The following PHKB variants were observed in gnomAD, a reference collection of about 807,000 sequenced individuals.
The protein encoded by PHKB is phosphorylase kinase regulatory subunit beta, also known as phosphorylase b kinase regulatory subunit beta.
Under a neutral mutation model 152.1 loss-of-function variants are expected in PHKB, and 122 were observed. The observed-to-expected ratio is 0.80, with a 90% confidence interval of 0.69 to 0.93. PHKB has a LOEUF of 0.93. Among genes scored for constraint, PHKB ranks in the 40% least tolerant of loss-of-function variants. The pLI is 0.00. For missense variants in PHKB, 1,304 were observed against 1,328.4 expected, an observed-to-expected ratio of 0.98 and a Z score of 0.29; for synonymous variants, 436 against 464.9, an observed-to-expected ratio of 0.94 and a Z score of 0.80.
intron 20 of PHKB, among the ~76,000 whole-genome samples, chr16:47,656,480 G>A (rs1464913987): frequency 6.6e-6 from 1 of 152,106 alleles, no homozygotes; most frequent in African/African-American, 2.4e-5. Context: ...CAATATTTTT[G>A]AAGATCTTCT....
intron 7 of PHKB, among the ~76,000 whole-genome samples, chr16:47,563,141 T>C (rs942903468): frequency 6.6e-6 from 1 of 151,792 alleles, no homozygotes. Flanking sequence ...CTCACGCTTA[T>C]CCATGACATT....
At chr16:47,510,887 A>G (rs1970499047) in intron 4 of PHKB, among the ~76,000 whole-genome samples, 1 of 152,164 alleles carries the variant, frequency 6.6e-6, no homozygotes, top group African/African-American at 2.4e-5. Flanking sequence ...TATATCTTTG[A>G]ATTCATTTTT....
chr16:47,676,152 C>A lies in PHKB; in HGVS notation c.2630+6735C>A, dbSNP rs563412981. 3.9e-5 allele frequency: 6 copies of A among 152,186 alleles called. No individual in the cohort carries two copies. The South Asian group carries it at 1.2e-3, about 32-fold the overall frequency. The allele number at this position is 152,186 out of a possible 1,614,324, so 9.4% of individuals were successfully genotyped here. Reference sequence around the variant, plus strand: ...TTTTAGTTTGCTTAAAATTGGTGAGCAAATTATTCATTTATAAAGTCTTTG... The same window carrying A: ...TTTTAGTTTGCTTAAAATTGGTGAGAAAATTATTCATTTATAAAGTCTTTG... On this transcript the variant is annotated intron_variant, in intron 26 of 30. Transcript: ENST00000323584.
At position 47,497,463 on chromosome 16, in the gene PHKB, T is replaced by G. The variant is rs1239330903; in HGVS notation, c.141T>G (p.Asp47Glu). 1.9e-6 allele frequency: 3 copies of G among 1,608,212 alleles called. No homozygotes were observed. The highest frequency in any genetic ancestry group is 4.5e-5 in the East Asian group (2 of 44,790). Reference sequence around the variant, plus strand: ...GACCTGATAATGAAACTCTCTGGGATAAGTTGGACCATTATTACAGAATTG... The same window carrying G: ...GACCTGATAATGAAACTCTCTGGGAGAAGTTGGACCATTATTACAGAATTG... ...LPRPDNETLW[D>E]KLDHYYRIVK... The change falls in exon 2 of 31, where the codon GAT (aspartate) becomes GAG (glutamate). Residue 47 changes from aspartate to glutamate, a missense_variant. Coordinates refer to ENST00000323584, the MANE Select transcript of PHKB (RefSeq NM_000293.3).
At chr16:47,499,964 T>A in intron 3 of PHKB, 70 bp downstream of exon 3, 1 of 1,566,040 alleles carries the variant, frequency 6.4e-7, no homozygotes, top group South Asian at 1.1e-5. Context: ...CAAGACTAAT[T>A]GAGCCGCTAT....
intron 7 of PHKB, among the ~76,000 whole-genome samples, chr16:47,555,576 A>G (rs1391572199): frequency 6.6e-6 from 1 of 152,236 alleles, no homozygotes; most frequent in Non-Finnish European, 1.5e-5. Context: ...TCAATGTTCT[A>G]TTGATATTAG....
chr16:47,557,295 G>T (rs2151679000), intron 7 of PHKB, among the ~76,000 whole-genome samples: 1 of 152,252 alleles, frequency 6.6e-6, no homozygotes, highest in South Asian at 2.1e-4. Flanking sequence ...AGAAAACCTA[G>T]GCATTACCAT....
chr16:47,486,015 T>C (rs948505737), intron 1 of PHKB, among the ~76,000 whole-genome samples: 2 of 152,178 alleles, frequency 1.3e-5, no homozygotes, highest in African/African-American at 4.8e-5. Flanking sequence ...ACATATTTTG[T>C]CAGCTTCTGT....
rs1295497860 is a variant in PHKB at position 47,669,215 on chromosome 16, G to T, written c.2428G>T (p.Val810Leu). 1 of 1,612,358 alleles carries T rather than the reference G, an allele frequency of 6.2e-7. No individual in the cohort carries two copies. The change falls in exon 26 of 31, where the codon GTA (valine) becomes TTA (leucine). Residue 810 changes from valine to leucine, a missense_variant and splice_region_variant. By Grantham distance (32) the Val-to-Leu change is conservative. Coordinates refer to ENST00000323584, the MANE Select transcript of PHKB (RefSeq NM_000293.3). Reference protein sequence around the residue: ...ITTFLVHGKQVTLGAFGHEEE... With the variant: ...ITTFLVHGKQLTLGAFGHEEE... ...TACAATAAAATTCTGCCACTTGTAGGTAACTCTGGGTGCCTTTGGGCATGA... is the reference window on the plus strand; with the variant it reads ...TACAATAAAATTCTGCCACTTGTAGTTAACTCTGGGTGCCTTTGGGCATGA...
chr16:47,540,179 G>T (rs1197608031), intron 6 of PHKB, among the ~76,000 whole-genome samples: 1 of 152,152 alleles, frequency 6.6e-6, no homozygotes, highest in Admixed American at 6.5e-5. Context: ...TTATGTGGTT[G>T]AGATAAGGAC....
At position 47,576,289 on chromosome 16, in the gene PHKB, T is replaced by C. The variant is rs539570745; in HGVS notation, c.711-4006T>C. On this transcript the variant is annotated intron_variant, in intron 7 of 30. Transcript: ENST00000323584. Reference sequence around the variant, plus strand: ...GATGTTGAATTTTGTTTGATGCATTTTCTGCATCAATTGATATGACCATGT... The same window carrying C: ...GATGTTGAATTTTGTTTGATGCATTCTCTGCATCAATTGATATGACCATGT... Among the ~76,000 whole-genome samples the C allele has an allele frequency of 3.7e-4, 57 of 152,330 alleles. No homozygotes were observed. The South Asian group carries it at 0.012, about 31-fold the overall frequency.
At position 47,589,101 on chromosome 16, in the gene PHKB, A is replaced by C. The variant is rs1971985107; in HGVS notation, c.1067A>C (p.Lys356Thr). The change falls in exon 10 of 31, where the codon AAG becomes ACG. Residue 356 changes from lysine to threonine, a missense_variant and splice_region_variant. Physicochemically the swap from Lys to Thr is moderately conservative, Grantham distance 78. Coordinates refer to ENST00000323584, the MANE Select transcript of PHKB (RefSeq NM_000293.3). ...TGCTACTACAAGCCAGCTGAAATTA[A>C]GGTATTAAAAAATATTCCATGGTAA... is the stretch of plus-strand genomic sequence containing the variant. ...NRCYYKPAEI[K>T]LFDGIECEFP... is the part of the protein sequence containing the mutation. The C allele has an allele frequency of 6.2e-7, 1 of 1,605,788 alleles. No individual in the cohort carries two copies. Among genetic ancestry groups the C allele is most frequent in the Non-Finnish European group, 8.5e-7 (1 of 1,172,726 alleles).
At chr16:47,490,159 C>G (rs1381144539) in intron 1 of PHKB, among the ~76,000 whole-genome samples, 1 of 152,116 alleles carries the variant, frequency 6.6e-6, no homozygotes, top group Non-Finnish European at 1.5e-5. Context: ...CATTTCAGCT[C>G]TTCATGAGTC....
chr16:47,660,949 A>G, intron 22 of PHKB, 130 bp downstream of exon 22: 2 of 870,258 alleles, frequency 2.3e-6, no homozygotes, highest in East Asian at 2.6e-5. Context: ...TGACTTGTCT[A>G]CTCCCAGGGC....
At chr16:47,506,869 G>C (rs562576520) in intron 4 of PHKB, among the ~76,000 whole-genome samples, 1 of 152,194 alleles carries the variant, frequency 6.6e-6, no homozygotes, top group East Asian at 1.9e-4. Context: ...GAAAGTTTAC[G>C]AATCTGTGCT....
chr16:47,672,246 C>A (rs181697433), intron 26 of PHKB, among the ~76,000 whole-genome samples: 19 of 152,238 alleles, frequency 1.2e-4, no homozygotes, highest in African/African-American at 4.6e-4. Context: ...AAAATAGTTT[C>A]TTTCAAAGAT....
chr16:47,479,995 A>G (rs1263570789), intron 1 of PHKB, among the ~76,000 whole-genome samples: 1 of 152,142 alleles, frequency 6.6e-6, no homozygotes, highest in East Asian at 1.9e-4. Context: ...ATTGCTGTAC[A>G]TTGCTATAAA....
chr16:47,477,622 A>AC (rs1969890965), intron 1 of PHKB, among the ~76,000 whole-genome samples: 1 of 152,136 alleles, frequency 6.6e-6, no homozygotes, highest in Non-Finnish European at 1.5e-5. Context: ...CAAAATACTG[A>AC]CCTAGGTTTA....
chr16:47,530,963 A>G (rs1389032714), intron 6 of PHKB, among the ~76,000 whole-genome samples: 2 of 152,214 alleles, frequency 1.3e-5, no homozygotes, highest in East Asian at 1.9e-4. Flanking sequence ...CCTAAAATTT[A>G]TTTAGAAGAA....
Sources: allele counts gnomAD v4.1 joint callset (sites outside exome capture counted in the v4.1 genomes callset), GRCh38; gene constraint gnomAD v4.1.1; transcripts MANE v1.5; gene names NCBI Gene and HGNC (gene_info 2026-07-23, HGNC 2026-07-21).